The following CNTNAP2 variants were observed in gnomAD, a reference collection of about 807,000 sequenced individuals.
CNTNAP2 encodes contactin-associated protein-like 2.
Under a neutral mutation model 155.2 loss-of-function variants are expected in CNTNAP2, and 98 were observed. That is an observed-to-expected ratio of 0.63 (90% CI 0.54 to 0.75). The LOEUF (loss-of-function observed/expected upper bound fraction) is 0.75. CNTNAP2 is among the 30% of genes least tolerant of loss of function. CNTNAP2 has a pLI of 0.00. For missense variants in CNTNAP2, 1,727 were observed against 1,688.1 expected, an observed-to-expected ratio of 1.02 and a Z score of -0.40; for synonymous variants, 651 against 631.2, an observed-to-expected ratio of 1.03 and a Z score of -0.47.
intron 1 of CNTNAP2, among the ~76,000 whole-genome samples, chr7:146,271,772 T>A (rs1023326451): frequency 3.9e-5 from 6 of 152,122 alleles, no homozygotes; most frequent in African/African-American, 1.4e-4. Flanking sequence ...TTTCTTGATA[T>A]TTTCTTAAAT....
At chr7:146,464,710 C>T (rs146900422) in intron 1 of CNTNAP2, among the ~76,000 whole-genome samples, 22 of 152,152 alleles carry the variant, frequency 1.4e-4, no homozygotes, top group Middle Eastern at 3.4e-3. Context: ...ATTCTAATAT[C>T]GAGTGCTTCA....
Position 148,090,999 on chromosome 7 carries a change from A to AAG in CNTNAP2, c.2384-27119_2384-27118insAG, listed in dbSNP as rs1803829580. On this transcript the variant is annotated intron_variant, in intron 15 of 23. Transcript: ENST00000361727. Reference sequence around the variant, plus strand: ...AATCAAGTATCCTATGATCCCACTTACATGTGGAGGGTAAAAAAGTTGAAG... The same window carrying AAG: ...AATCAAGTATCCTATGATCCCACTTAAGCATGTGGAGGGTAAAAAAGTTGAAG... Among the ~76,000 whole-genome samples, 4 of 152,284 alleles carry AAG rather than the reference A, an allele frequency of 2.6e-5. No individual in the cohort carries two copies. In the East Asian group the frequency reaches 7.7e-4, roughly 29 times the overall value.
chr7:148,180,181 A>G (rs1384857560), intron 18 of CNTNAP2, among the ~76,000 whole-genome samples: 1 of 152,222 alleles, frequency 6.6e-6, no homozygotes, highest in Non-Finnish European at 1.5e-5. Context: ...TAATAATCCC[A>G]GCTTGGAAGA....
intron 15 of CNTNAP2, among the ~76,000 whole-genome samples, chr7:148,117,120 T>C (rs2116606684): frequency 6.6e-6 from 1 of 152,298 alleles, no homozygotes; most frequent in Non-Finnish European, 1.5e-5. Flanking sequence ...CAGTTTGGTG[T>C]TTTTATTGCA....
At chr7:147,868,755 C>G (rs1799275233) in intron 13 of CNTNAP2, among the ~76,000 whole-genome samples, 1 of 152,218 alleles carries the variant, frequency 6.6e-6, no homozygotes, top group Non-Finnish European at 1.5e-5. Flanking sequence ...AGCAAGGCTC[C>G]ATGGGCATGG....
At position 146,769,086 on chromosome 7, in the gene CNTNAP2, A is replaced by G. The variant is rs375667337; in HGVS notation, c.98-5185A>G. Among the ~76,000 whole-genome samples the G allele has an allele frequency of 2.0e-5, 3 of 152,208 alleles. No homozygotes were observed. In the East Asian group the frequency reaches 5.8e-4, roughly 29 times the overall value. On this transcript the variant is annotated intron_variant, in intron 1 of 23. Coordinates refer to ENST00000361727, the MANE Select transcript of CNTNAP2 (RefSeq NM_014141.6). ...GGATTCATATAGCTAGTCTGCCTTC[A>G]TGATTGACTGAAATTGTGTGAAAAT...
intron 1 of CNTNAP2, among the ~76,000 whole-genome samples, chr7:146,330,185 G>A (rs1390096960): frequency 1.3e-5 from 2 of 151,778 alleles, no homozygotes; most frequent in African/African-American, 4.8e-5. Flanking sequence ...ACCATGCCCA[G>A]CTAATTTTGT....
intron 3 of CNTNAP2, among the ~76,000 whole-genome samples, chr7:146,912,539 C>T (rs1796305192): frequency 1.3e-5 from 2 of 152,124 alleles, no homozygotes; most frequent in African/African-American, 4.8e-5. Flanking sequence ...TGGTACTATA[C>T]ATCAATTTAT....
chr7:146,712,756 TATC>T (rs1204658605), intron 1 of CNTNAP2, among the ~76,000 whole-genome samples: 6 of 152,058 alleles, frequency 3.9e-5, no homozygotes, highest in Admixed American at 1.3e-4. Context: ...TTCATTTTCA[TATC>T]ATATCTTACT....
intron 20 of CNTNAP2, among the ~76,000 whole-genome samples, chr7:148,256,325 T>C (rs942016598): frequency 2.6e-5 from 4 of 152,106 alleles, no homozygotes; most frequent in African/African-American, 9.7e-5. Flanking sequence ...TACTATTCCT[T>C]AGGGCCATGG....
rs1222465875 is a variant in CNTNAP2 at position 148,383,739 on chromosome 7, C to A, written c.3566C>A (p.Pro1189His). 1.9e-6 allele frequency: 3 copies of A among 1,614,222 alleles called. No individual in the cohort carries two copies. Among genetic ancestry groups the A allele is most frequent in the Non-Finnish European group, 2.5e-6 (3 of 1,180,042 alleles). Residue 1189 changes from proline to histidine, a missense_variant, in exon 22 of 24, where the codon CCT becomes CAT. By Grantham distance (77) the Pro-to-His change is moderately conservative. Transcript: ENST00000361727. ...AGAGTCCAGTTCAACCAGATCGCCC[C>A]TCTCAAGGCCGCCTTGAGGCAGACA... Reference protein sequence around the residue: ...LSRVQFNQIAPLKAALRQTNA... With the variant: ...LSRVQFNQIAHLKAALRQTNA...
At chr7:146,195,007 C>T (rs939689289) in intron 1 of CNTNAP2, 1 of 152,156 alleles carries the variant, frequency 6.6e-6, no homozygotes, top group Non-Finnish European at 1.5e-5. Context: ...TTCTGAACCT[C>T]ACTTTGTCAC....
chr7:148,365,836 A>G lies in CNTNAP2; in HGVS notation c.3476-17813A>G, dbSNP rs563201849. ...TGTATACATGCATGTGTATGCATGT[A>G]TACATGCATGTGTATGCATGTATAC... On this transcript the variant is annotated intron_variant, in intron 21 of 23. Coordinates refer to ENST00000361727, the MANE Select transcript of CNTNAP2 (RefSeq NM_014141.6). Among the ~76,000 whole-genome samples the G allele has an allele frequency of 5.0e-4, 57 of 113,936 alleles. 2 individuals are homozygous for G. The highest frequency in any genetic ancestry group is 6.5e-4 in the African/African-American group (18 of 27,700). 74.7% of individuals were successfully genotyped at this position (113,936 alleles called of 152,430 possible). A position where few individuals can be genotyped will look rare whatever the true frequency, so the allele number is the denominator to read the frequency against.
chr7:147,003,781 C>T (rs962645723), intron 3 of CNTNAP2, among the ~76,000 whole-genome samples: 4 of 151,758 alleles, frequency 2.6e-5, no homozygotes, highest in Non-Finnish European at 4.4e-5. Flanking sequence ...CCCAGAGTTA[C>T]GGGAGGCTGA....
intron 12 of CNTNAP2, among the ~76,000 whole-genome samples, chr7:147,592,758 C>T (rs1800763306): frequency 6.6e-6 from 1 of 152,198 alleles, no homozygotes; most frequent in Non-Finnish European, 1.5e-5. Flanking sequence ...ATAAATTTCT[C>T]TCCAACCCAC....
intron 1 of CNTNAP2, among the ~76,000 whole-genome samples, chr7:146,534,701 A>G (rs373945003): frequency 1.3e-5 from 2 of 151,844 alleles, no homozygotes; most frequent in African/African-American, 2.4e-5. Context: ...TTTCAGTCCT[A>G]CTCTTAACTT....
chr7:147,216,863 A>T (rs1455763641), intron 8 of CNTNAP2, among the ~76,000 whole-genome samples: 2 of 151,934 alleles, frequency 1.3e-5, no homozygotes, highest in African/African-American at 4.8e-5. Context: ...CTTTCATCAG[A>T]ATTTTGTAGT....
chr7:146,178,477 A>G (rs1262548937), intron 1 of CNTNAP2, among the ~76,000 whole-genome samples: 1 of 152,164 alleles, frequency 6.6e-6, no homozygotes, highest in Non-Finnish European at 1.5e-5. Flanking sequence ...CTATTTTCTC[A>G]TTTAGATATT....
intron 15 of CNTNAP2, among the ~76,000 whole-genome samples, chr7:148,033,160 C>T (rs1198168492): frequency 1.3e-5 from 2 of 152,052 alleles, no homozygotes; most frequent in Non-Finnish European, 2.9e-5. Flanking sequence ...TATCTGCTTG[C>T]CTGCCAGATT....
Sources: allele counts gnomAD v4.1 joint callset (sites outside exome capture counted in the v4.1 genomes callset), GRCh38; gene constraint gnomAD v4.1.1; transcripts MANE v1.5; gene names NCBI Gene and HGNC (gene_info 2026-07-23, HGNC 2026-07-21).